The following PDE3B variants were observed in gnomAD, a reference collection of about 807,000 sequenced individuals.
PDE3B encodes the protein cGMP-inhibited 3',5'-cyclic phosphodiesterase 3B.
In PDE3B, 66 loss-of-function variants were observed where a neutral mutation model predicts 116.8. That is an observed-to-expected ratio of 0.56 (90% confidence interval 0.46 to 0.69). The LOEUF is 0.69. Ranked by LOEUF, PDE3B falls within the 30% of genes least tolerant of loss-of-function variation. The pLI, the probability that PDE3B is intolerant of heterozygous loss-of-function variation, is 0.00. For missense variants in PDE3B, 1,384 were observed against 1,368.1 expected, an observed-to-expected ratio of 1.01 and a Z score of -0.18; for synonymous variants, 595 against 533.6, an observed-to-expected ratio of 1.12 and a Z score of -1.59.
At chr11:14,695,908 C>G (rs1855193356) in intron 1 of PDE3B, among the ~76,000 whole-genome samples, 1 of 152,142 alleles carries the variant, frequency 6.6e-6, no homozygotes, top group African/African-American at 2.4e-5. Flanking sequence ...TTTATCCAGT[C>G]TATCATTGAT....
intron 1 of PDE3B, among the ~76,000 whole-genome samples, chr11:14,765,343 T>C (rs778234288): frequency 2.0e-5 from 3 of 151,970 alleles, no homozygotes; most frequent in Non-Finnish European, 4.4e-5. Context: ...TTGACGTAAT[T>C]GAACCTGATA....
At chr11:14,661,527 A>G (rs895416581) in intron 1 of PDE3B, among the ~76,000 whole-genome samples, 1 of 152,226 alleles carries the variant, frequency 6.6e-6, no homozygotes, top group South Asian at 2.1e-4. Context: ...GGGAAGCGCA[A>G]GGGGTCAGGG....
At chr11:14,759,893 TAAG>T (rs1857307443) in intron 1 of PDE3B, among the ~76,000 whole-genome samples, 1 of 152,146 alleles carries the variant, frequency 6.6e-6, no homozygotes, top group African/African-American at 2.4e-5. Flanking sequence ...AGGAGGAGGC[TAAG>T]TAGTAAGAAG....
intron 5 of PDE3B, among the ~76,000 whole-genome samples, chr11:14,817,438 A>T (rs1223021260): frequency 6.6e-6 from 1 of 152,172 alleles, no homozygotes; most frequent in Non-Finnish European, 1.5e-5. Flanking sequence ...AGTATAATTA[A>T]AAAAGAAAAA....
chr11:14,777,038 A>G (rs188204791), intron 2 of PDE3B, among the ~76,000 whole-genome samples: 3 of 152,296 alleles, frequency 2.0e-5, no homozygotes, highest in African/African-American at 7.2e-5. Flanking sequence ...AAGAAAGAAA[A>G]TATTAGCAAA....
intron 14 of PDE3B, among the ~76,000 whole-genome samples, chr11:14,861,805 C>T (rs889243300): frequency 1.3e-5 from 2 of 152,166 alleles, no homozygotes; most frequent in South Asian, 2.1e-4. Context: ...GAAGGCCAGG[C>T]GGGCAACCTA....
intron 12 of PDE3B, among the ~76,000 whole-genome samples, chr11:14,849,061 G>T (rs1009714888): frequency 6.6e-6 from 1 of 151,886 alleles, no homozygotes; most frequent in Non-Finnish European, 1.5e-5. Flanking sequence ...AAAGCTGGAG[G>T]CATCACGCTA....
At chr11:14,722,536 G>A (rs952667069) in intron 1 of PDE3B, among the ~76,000 whole-genome samples, 10 of 152,170 alleles carry the variant, frequency 6.6e-5, no homozygotes, top group Non-Finnish European at 1.3e-4. Flanking sequence ...ATAGTGGACG[G>A]CATCGTTTAA....
chr11:14,753,019 A>G (rs985516047), intron 1 of PDE3B, among the ~76,000 whole-genome samples: 1 of 152,134 alleles, frequency 6.6e-6, no homozygotes, highest in Non-Finnish European at 1.5e-5. Flanking sequence ...AAGGAATGAT[A>G]GTGTGTGGAA....
At chr11:14,662,711 A>C (rs1370819755) in intron 1 of PDE3B, among the ~76,000 whole-genome samples, 1 of 152,232 alleles carries the variant, frequency 6.6e-6, no homozygotes, top group Non-Finnish European at 1.5e-5. Flanking sequence ...GGTATCAGTG[A>C]TGGAAGATGA....
At chr11:14,724,871 A>G (rs994337071) in intron 1 of PDE3B, among the ~76,000 whole-genome samples, 2 of 152,208 alleles carry the variant, frequency 1.3e-5, no homozygotes, top group Non-Finnish European at 2.9e-5. Context: ...TTATTTATTT[A>G]TTCAACAGAT....
At chr11:14,645,290 G>A (rs546867482) in intron 1 of PDE3B, among the ~76,000 whole-genome samples, 2 of 151,200 alleles carry the variant, frequency 1.3e-5, no homozygotes, top group Non-Finnish European at 2.9e-5. Context: ...AAATCAAATA[G>A]CCCGCTAATC....
intron 2 of PDE3B, among the ~76,000 whole-genome samples, chr11:14,785,032 G>C (rs1858147539): frequency 6.6e-6 from 1 of 152,038 alleles, no homozygotes; most frequent in Admixed American, 6.6e-5. Context: ...AGCAATTAGA[G>C]GTTTTTTTGC....
chr11:14,887,881 G>T, the PDE3B span, among the ~76,000 whole-genome samples: 3 of 152,130 alleles, frequency 2.0e-5, no homozygotes, highest in Non-Finnish European at 4.4e-5. Context: ...CAGGTGACCG[G>T]TCTAAGTCAC....
At position 14,644,765 on chromosome 11, in the gene PDE3B, G is replaced by T. The variant is rs763997625; in HGVS notation, c.690G>T (p.Trp230Cys). 2 of 1,603,064 alleles carry T rather than the reference G, an allele frequency of 1.2e-6. No individual in the cohort carries two copies. Among genetic ancestry groups the T allele is most frequent in the Non-Finnish European group, 1.7e-6 (2 of 1,175,556 alleles). ...TGCTGCTCCTGGCCAGCTTCGTCTG[G>T]TGGGTCTCCTTCACCAGCCTCGGGT... ...VLVLLLASFV[W>C]WVSFTSLGSL... Residue 230 changes from tryptophan (W) to cysteine (C), a missense_variant, in exon 1 of 16, where the codon TGG becomes TGT. Trp to Cys is a radical substitution (Grantham distance 215). Around this residue, in one of 2 missense-constraint regions of PDE3B, gnomAD observed 956 missense variants for 806.8 expected, o/e 1.18. Transcript: ENST00000282096.
intron 1 of PDE3B, among the ~76,000 whole-genome samples, chr11:14,762,354 C>T (rs1857385659): frequency 6.6e-6 from 1 of 152,134 alleles, no homozygotes; most frequent in South Asian, 2.1e-4. Flanking sequence ...TTTATCAGTA[C>T]AGCTTTAGAA....
intron 1 of PDE3B, among the ~76,000 whole-genome samples, chr11:14,737,727 A>G (rs898550622): frequency 6.6e-6 from 1 of 151,112 alleles, no homozygotes; most frequent in Non-Finnish European, 1.5e-5. Context: ...TTAACTCCTC[A>G]TTTAGCATTA....
At chr11:14,880,289 C>T in the PDE3B span, 3 of 1,613,064 alleles carry the variant, frequency 1.9e-6, no homozygotes, top group African/African-American at 2.7e-5. Context: ...TGATCCATCT[C>T]ATCTAAATAA....
At chr11:14,875,566 G>T (rs1283814008), downstream of PDE3B, among the ~76,000 whole-genome samples, 1 of 152,130 alleles carries the variant, frequency 6.6e-6, no homozygotes. Flanking sequence ...TCAAAAAATA[G>T]ATTTTTCCAA....
Sources: allele counts gnomAD v4.1 joint callset (sites outside exome capture counted in the v4.1 genomes callset), GRCh38; gene constraint gnomAD v4.1.1; regional missense constraint gnomAD v4.1.1; transcripts MANE v1.5; gene names NCBI Gene and HGNC (gene_info 2026-07-23, HGNC 2026-07-21).